AGBL4: variants seen among roughly 807,000 people sequenced by gnomAD.
The protein encoded by AGBL4 is cytosolic carboxypeptidase 6.
AGBL4 carries 58 observed loss-of-function variants against 66.4 expected under a neutral mutation model. The observed-to-expected ratio is 0.87, with a 90% CI of 0.71 to 1.09. The LOEUF is 1.09. AGBL4 is among the 50% of genes least tolerant of loss of function. AGBL4 has a pLI of 0.00. For missense variants in AGBL4, 579 were observed against 631.0 expected (o/e 0.92, Z 0.88); for synonymous variants, 234 against 222.9 (o/e 1.05, Z -0.44).
chr1:48,772,975 C>T (rs1345758791), intron 6 of AGBL4, among the ~76,000 whole-genome samples: 4 of 152,138 alleles, frequency 2.6e-5, no homozygotes, highest in African/African-American at 9.7e-5. Flanking sequence ...CCATCACTCC[C>T]TCCCCCACAG....
chr1:49,501,817 ATT>A (rs1400234408), intron 3 of AGBL4, among the ~76,000 whole-genome samples: 2 of 151,766 alleles, frequency 1.3e-5, no homozygotes, highest in Non-Finnish European at 2.9e-5. Flanking sequence ...TTTCATTTTT[ATT>A]TGTCTCAAGA....
chr1:49,961,681 A>G (rs140353462), intron 1 of AGBL4, among the ~76,000 whole-genome samples: 1 of 152,238 alleles, frequency 6.6e-6, no homozygotes, highest in Admixed American at 6.5e-5. Flanking sequence ...AAGCATGCCA[A>G]TATGCATTTT....
rs55786055 is a variant in AGBL4 at position 49,392,698 on chromosome 1, TACACACACAC to T, written c.283-146844_283-146835del. ...CTAATGTGCAATTTTCAACTGTGTA[TACACACACAC>T]ACACACACACACACACACACACACA... On this transcript the variant is annotated intron_variant, in intron 3 of 13. Coordinates refer to ENST00000371839, the MANE Select transcript of AGBL4 (RefSeq NM_032785.4). 4.9e-4 allele frequency among the ~76,000 whole-genome samples: 72 copies of T among 147,622 alleles called. 1 individual carries two copies. The South Asian group carries it at 0.01, about 21-fold the overall frequency.
At chr1:49,520,982 T>G (rs1650213954) in intron 3 of AGBL4, among the ~76,000 whole-genome samples, 1 of 151,964 alleles carries the variant, frequency 6.6e-6, no homozygotes, top group African/African-American at 2.4e-5. Context: ...CTAATTTTTG[T>G]ATTTTTAGTA....
the AGBL4 span, among the ~76,000 whole-genome samples, chr1:48,524,853 T>G: frequency 0.036 from 5,448 of 151,532 alleles, 320 homozygotes; most frequent in African/African-American, 0.12. Flanking sequence ...TTCTCCTTTT[T>G]TTTTTTTTTT....
At chr1:48,855,480 AT>A (rs1040273840) in intron 6 of AGBL4, among the ~76,000 whole-genome samples, 1 of 152,204 alleles carries the variant, frequency 6.6e-6, no homozygotes, top group African/African-American at 2.4e-5. Flanking sequence ...CACCAATGTG[AT>A]GTTTTTTGTT....
chr1:48,798,585 T>G (rs1645742379), intron 6 of AGBL4, among the ~76,000 whole-genome samples: 1 of 152,224 alleles, frequency 6.6e-6, no homozygotes, highest in South Asian at 2.1e-4. Flanking sequence ...ACTCTTTGCC[T>G]AAGCCACTGT....
chr1:48,612,687 T>TA (rs1317469838), intron 9 of AGBL4, among the ~76,000 whole-genome samples: 1 of 152,224 alleles, frequency 6.6e-6, no homozygotes, highest in Non-Finnish European at 1.5e-5. Context: ...AAAGTGCTTT[T>TA]AAAAAACAGA....
rs556298290 is a variant in AGBL4 at position 49,971,723 on chromosome 1, GA to G, written c.34+52039del. On this transcript the variant is annotated intron_variant, in intron 1 of 13. Coordinates refer to ENST00000371839, the MANE Select transcript of AGBL4 (RefSeq NM_032785.4). ...AAATTTGTGAGTGGAAGAAATGAAA[GA>G]AAAAAATGTTCCAATTGATGGCAAC... Among the ~76,000 whole-genome samples, 13 of 151,528 alleles carry G rather than the reference GA, an allele frequency of 8.6e-5. 1 individual carries two copies. The South Asian group carries it at 2.7e-3, about 32-fold the overall frequency.
At chr1:48,591,721 C>G (rs2148349282) in intron 9 of AGBL4, among the ~76,000 whole-genome samples, 2 of 152,312 alleles carry the variant, frequency 1.3e-5, no homozygotes, top group Admixed American at 1.3e-4. Context: ...GATGCCAGGT[C>G]TACCCCACAA....
intron 5 of AGBL4, among the ~76,000 whole-genome samples, chr1:49,030,804 C>A: frequency 6.9e-6 from 1 of 144,616 alleles, no homozygotes; most frequent in African/African-American, 2.6e-5. Context: ...TTTTAGCAGC[C>A]CTGATTAAGT....
At chr1:49,614,998 G>T (rs569676714) in intron 3 of AGBL4, among the ~76,000 whole-genome samples, 2 of 152,032 alleles carry the variant, frequency 1.3e-5, no homozygotes, top group Non-Finnish European at 1.5e-5. Flanking sequence ...ACACTCCCTT[G>T]TTTTTTATAT....
rs1174687862 is a variant in AGBL4 at position 48,592,588 on chromosome 1, A to G, written c.952-1603T>C. Among the ~76,000 whole-genome samples, 4 of 152,350 alleles carry G rather than the reference A, an allele frequency of 2.6e-5. No homozygotes were observed. The East Asian group carries it at 7.7e-4, about 29-fold the overall frequency. On this transcript the variant is annotated intron_variant, in intron 9 of 13. Transcript: ENST00000371839. ...CAGGAGCCCTATAAAAGTCATCTTC[A>G]CAATTTTATTTTCTTCAATTGTCTG...
At chr1:49,037,508 T>C (rs574034149) in intron 5 of AGBL4, among the ~76,000 whole-genome samples, 1 of 152,216 alleles carries the variant, frequency 6.6e-6, no homozygotes, top group East Asian at 1.9e-4. Context: ...CTTCTACTTA[T>C]TTCTCCTGCA....
intron 1 of AGBL4, among the ~76,000 whole-genome samples, chr1:49,961,088 A>C (rs1282494831): frequency 6.6e-6 from 1 of 152,100 alleles, no homozygotes; most frequent in African/African-American, 2.4e-5. Context: ...ATCACCAAAG[A>C]GTTTTAGAGG....
chr1:48,843,031 G>C (rs962046040), intron 6 of AGBL4, among the ~76,000 whole-genome samples: 1 of 152,070 alleles, frequency 6.6e-6, no homozygotes, highest in Non-Finnish European at 1.5e-5. Flanking sequence ...GGGGAAAAAG[G>C]GGAGCTGTTG....
intron 2 of AGBL4, among the ~76,000 whole-genome samples, chr1:49,807,986 T>C (rs1250753525): frequency 6.6e-6 from 1 of 152,188 alleles, no homozygotes; most frequent in Non-Finnish European, 1.5e-5. Flanking sequence ...GACCTAGGAC[T>C]TTCCAACCTC....
At position 49,566,706 on chromosome 1, in the gene AGBL4, C is replaced by T. The variant is rs1056909551; in HGVS notation, c.282+130607G>A. On this transcript the variant is annotated intron_variant, in intron 3 of 13. Coordinates refer to ENST00000371839, the MANE Select transcript of AGBL4 (RefSeq NM_032785.4). ...GGCTTTGTGAGGTGTCAGTCCGCCC[C>T]TACTGGGAGGTGCCTCCCAGTTAGG... Among the ~76,000 whole-genome samples, 49 of 152,200 alleles carry T rather than the reference C, an allele frequency of 3.2e-4. 1 individual carries two copies. The highest frequency in any genetic ancestry group is 1.5e-5 in the Non-Finnish European group (1 of 68,024).
chr1:48,583,666 G>A (rs777854791), intron 11 of AGBL4, among the ~76,000 whole-genome samples: 31 of 152,220 alleles, frequency 2.0e-4, no homozygotes, highest in Admixed American at 4.6e-4. Context: ...GTGCTCTCAC[G>A]GATGATGTTG....
Sources: gnomAD v4.1 joint callset for allele counts (sites outside exome capture counted in the v4.1 genomes callset) on GRCh38, gnomAD v4.1.1 for gene constraint, MANE v1.5 for transcripts, NCBI Gene and HGNC (gene_info 2026-07-23, HGNC 2026-07-21) for gene names.